DOCK2: variants seen among roughly 807,000 people sequenced by gnomAD.
The protein encoded by DOCK2 is dedicator of cytokinesis 2.
In DOCK2, 87 loss-of-function variants were observed where a neutral mutation model predicts 248.9. The observed-to-expected ratio is 0.35, with a 90% CI of 0.29 to 0.42. The LOEUF is 0.42. Among genes scored for constraint, DOCK2 ranks in the 10% least tolerant of loss-of-function variants. The pLI, the probability that DOCK2 is intolerant of heterozygous loss-of-function variation, is 1.00. For missense variants in DOCK2, 1,747 were observed against 2,300.2 expected, an observed-to-expected ratio of 0.76 and a Z score of 4.92; for synonymous variants, 805 against 821.6, an observed-to-expected ratio of 0.98 and a Z score of 0.35.
At chr5:169,875,800 A>G (rs1772295566) in intron 27 of DOCK2, 1 of 152,850 alleles carries the variant, frequency 6.5e-6, no homozygotes, top group African/African-American at 2.4e-5. Context: ...TTTCAGCCCA[A>G]CAGATCTCTT....
intron 26 of DOCK2, among the ~76,000 whole-genome samples, chr5:169,829,845 T>C (rs1230489230): frequency 6.6e-6 from 1 of 152,214 alleles, no homozygotes; most frequent in Non-Finnish European, 1.5e-5. Flanking sequence ...AGCCTGCTTT[T>C]TTGTCTAAAG....
intron 27 of DOCK2, among the ~76,000 whole-genome samples, chr5:169,874,532 A>G (rs1772198326): frequency 6.6e-6 from 1 of 151,928 alleles, no homozygotes; most frequent in Non-Finnish European, 1.5e-5. Flanking sequence ...CTTGGTTCCC[A>G]AGCAAGGGGT....
intron 27 of DOCK2, among the ~76,000 whole-genome samples, chr5:169,920,544 C>T (rs1323123925): frequency 6.6e-6 from 1 of 152,144 alleles, no homozygotes; most frequent in Admixed American, 6.5e-5. Context: ...ATTCACACCA[C>T]TCCCAGAGGT....
At chr5:169,690,047 G>A (rs1760202062) in intron 9 of DOCK2, among the ~76,000 whole-genome samples, 1 of 150,860 alleles carries the variant, frequency 6.6e-6, no homozygotes, top group African/African-American at 2.4e-5. Flanking sequence ...GGTGTGAAGA[G>A]TGTGATTTTT....
chr5:169,804,914 A>T (rs1162128800), intron 26 of DOCK2, among the ~76,000 whole-genome samples: 1 of 152,188 alleles, frequency 6.6e-6, no homozygotes, highest in African/African-American at 2.4e-5. Flanking sequence ...TCAGATGATG[A>T]TGTTAGGGTG....
chr5:170,024,357 C>CTTTTTT (rs35718164), intron 33 of DOCK2, among the ~76,000 whole-genome samples: 3 of 100,750 alleles, frequency 3.0e-5, no homozygotes, highest in African/African-American at 7.9e-5. Context: ...TTGGGAGAGC[C>CTTTTTT]TTTTTTTTTT....
At chr5:169,977,360 AG>A (rs1777752195) in intron 27 of DOCK2, among the ~76,000 whole-genome samples, 1 of 152,242 alleles carries the variant, frequency 6.6e-6, no homozygotes, top group African/African-American at 2.4e-5. Flanking sequence ...TGTCCAGGTC[AG>A]GAATTTCAAT....
rs866499158 is a variant in DOCK2, at chr5:169,839,178, C to G, written c.2704-1579C>G. On this transcript the variant is annotated intron_variant, in intron 26 of 51. Coordinates refer to ENST00000520908, the MANE Select transcript of DOCK2 (RefSeq NM_004946.3). The stretch of plus-strand genomic sequence containing the variant: ...CAAGGCTGTTCCCAAACCCCCATCT[C>G]CAGAGCTAAACAGCATGTCACATCA... Among the ~76,000 whole-genome samples, 7 of 152,268 alleles carry G rather than the reference C, an allele frequency of 4.6e-5. No homozygotes were observed. The South Asian group carries it at 1.5e-3, about 32-fold the overall frequency.
intron 33 of DOCK2, among the ~76,000 whole-genome samples, chr5:170,023,444 G>A (rs6859561): frequency 0.12 from 18,748 of 152,004 alleles, 1,487 homozygotes; most frequent in African/African-American, 0.2. Context: ...TGCTTGCTGC[G>A]TTCTCGGTAC....
At chr5:169,987,292 T>C (rs1371313302) in intron 29 of DOCK2, among the ~76,000 whole-genome samples, 1 of 152,228 alleles carries the variant, frequency 6.6e-6, no homozygotes, top group African/African-American at 2.4e-5. Flanking sequence ...CTGAGCTACA[T>C]GCCCATCCAT....
intron 27 of DOCK2, among the ~76,000 whole-genome samples, chr5:169,982,819 C>A (rs1016273458): frequency 6.6e-6 from 1 of 152,196 alleles, no homozygotes; most frequent in Non-Finnish European, 1.5e-5. Context: ...GAAACTGTCT[C>A]CATGATTTTG....
At chr5:169,806,286 C>A (rs1326362766) in intron 26 of DOCK2, among the ~76,000 whole-genome samples, 2 of 131,716 alleles carry the variant, frequency 1.5e-5, no homozygotes, top group African/African-American at 2.8e-5. Flanking sequence ...ACTATAGGTA[C>A]CAGCCACCAC....
chr5:169,969,300 C>T (rs1443863126), intron 27 of DOCK2, among the ~76,000 whole-genome samples: 1 of 151,956 alleles, frequency 6.6e-6, no homozygotes, highest in African/African-American at 2.4e-5. Context: ...CAAAAATTAG[C>T]TGGGTGTGGT....
chr5:169,672,163 C>T (rs528637485), intron 5 of DOCK2, among the ~76,000 whole-genome samples: 5 of 151,950 alleles, frequency 3.3e-5, no homozygotes, highest in Non-Finnish European at 7.4e-5. Context: ...CCCGCCACCA[C>T]GCCCAGCTAA....
At chr5:169,955,704 C>T (rs1295843931) in intron 27 of DOCK2, among the ~76,000 whole-genome samples, 2 of 152,164 alleles carry the variant, frequency 1.3e-5, no homozygotes, top group Admixed American at 1.3e-4. Context: ...TGTGGAATTA[C>T]AGAGACATTC....
At chr5:169,801,416 G>A (rs190063519) in intron 25 of DOCK2, among the ~76,000 whole-genome samples, 3 of 152,234 alleles carry the variant, frequency 2.0e-5, no homozygotes, top group Non-Finnish European at 2.9e-5. Context: ...TCAGCAAAAC[G>A]GGGAAATAAT....
chr5:169,711,503 A>G (rs182923519), intron 15 of DOCK2, among the ~76,000 whole-genome samples: 9 of 152,336 alleles, frequency 5.9e-5, no homozygotes, highest in Admixed American at 2.0e-4. Flanking sequence ...ATTTGCATAA[A>G]TGAGATTCCT....
intron 25 of DOCK2, among the ~76,000 whole-genome samples, chr5:169,789,996 C>T (rs261602): frequency 0.017 from 2,578 of 152,222 alleles, 81 homozygotes; most frequent in African/African-American, 0.059. Flanking sequence ...GGTTTTAAAT[C>T]TGTGGAGCTG....
chr5:169,974,102 C>G (rs891349230), intron 27 of DOCK2, among the ~76,000 whole-genome samples: 1 of 152,122 alleles, frequency 6.6e-6, no homozygotes, highest in Non-Finnish European at 1.5e-5. Context: ...AAATGATAGC[C>G]TCCTTTTTTT....
Sources: gnomAD v4.1 joint callset for allele counts (sites outside exome capture counted in the v4.1 genomes callset) on GRCh38, gnomAD v4.1.1 for gene constraint, MANE v1.5 for transcripts, NCBI Gene and HGNC (gene_info 2026-07-23, HGNC 2026-07-21) for gene names.